The following KCNC2 variants were observed in gnomAD, a reference collection of about 807,000 sequenced individuals.
The protein encoded by KCNC2 is potassium voltage-gated channel subfamily C member 2.
Under a neutral mutation model 44.5 loss-of-function variants are expected in KCNC2, and 21 were observed. That is an observed-to-expected ratio of 0.47 (90% CI 0.33 to 0.68). The LOEUF is 0.68. Among genes scored for constraint, KCNC2 ranks in the 30% least tolerant of loss-of-function variants. The pLI, the probability that KCNC2 is intolerant of heterozygous loss-of-function variation, is 0.01. For missense variants in KCNC2, 589 were observed against 826.2 expected, an observed-to-expected ratio of 0.71 and a Z score of 3.52; for synonymous variants, 391 against 339.1, an observed-to-expected ratio of 1.15 and a Z score of -1.68.
At chr12:75,055,345 T>A (rs578102189) in intron 2 of KCNC2, among the ~76,000 whole-genome samples, 4 of 151,810 alleles carry the variant, frequency 2.6e-5, no homozygotes, top group African/African-American at 9.7e-5. Flanking sequence ...AAGCCAAATT[T>A]AAAAAGCAAA....
intron 2 of KCNC2, among the ~76,000 whole-genome samples, chr12:75,103,329 T>C (rs1419834202): frequency 2.0e-5 from 3 of 152,232 alleles, no homozygotes; most frequent in Non-Finnish European, 4.4e-5. Flanking sequence ...GGAGAACCTA[T>C]GATGTGTCAT....
At chr12:75,158,908 G>A (rs1438801171) in intron 2 of KCNC2, among the ~76,000 whole-genome samples, 1 of 149,030 alleles carries the variant, frequency 6.7e-6, no homozygotes, top group East Asian at 1.9e-4. Flanking sequence ...CTCAAGTTAT[G>A]CAACAGGGAT....
At position 75,075,180 on chromosome 12, in the gene KCNC2, C is replaced by T. The variant is rs577996088; in HGVS notation, c.688-23863G>A. Among the ~76,000 whole-genome samples, 27 of 152,150 alleles carry T rather than the reference C, an allele frequency of 1.8e-4. No individual in the cohort carries two copies. In the South Asian group the frequency reaches 4.4e-3, roughly 25 times the overall value. The stretch of plus-strand genomic sequence containing the variant: ...GTGCAAGAAAGTGATGGGGTCAAAT[C>T]TATATTTCAGAATTCTATTAAAATG... On this transcript the variant is annotated intron_variant, in intron 2 of 4. Coordinates refer to ENST00000549446, the MANE Select transcript of KCNC2 (RefSeq NM_139137.4).
At chr12:75,183,833 T>C (rs1289148860) in intron 2 of KCNC2, among the ~76,000 whole-genome samples, 1 of 152,312 alleles carries the variant, frequency 6.6e-6, no homozygotes, top group African/African-American at 2.4e-5. Context: ...CCCAAATTCC[T>C]CAATGTGGCT....
Position 75,063,594 on chromosome 12 carries a change from G to C in KCNC2, c.688-12277C>G, listed in dbSNP as rs542438399. On this transcript the variant is annotated intron_variant, in intron 2 of 4. Coordinates refer to ENST00000549446, the MANE Select transcript of KCNC2 (RefSeq NM_139137.4). Reference sequence around the variant, plus strand: ...TTAGCAGTGTGTTGAGGGTGATGGTGGGGGAGAGCTGAATAGGCAGAATTT... The same window carrying C: ...TTAGCAGTGTGTTGAGGGTGATGGTCGGGGAGAGCTGAATAGGCAGAATTT... 2.0e-4 allele frequency among the ~76,000 whole-genome samples: 31 copies of C among 152,032 alleles called. 1 individual carries two copies. The highest frequency in any genetic ancestry group is 1.3e-4 in the Admixed American group (2 of 15,222).
intron 2 of KCNC2, among the ~76,000 whole-genome samples, chr12:75,129,813 A>C (rs1356860346): frequency 6.6e-6 from 1 of 152,204 alleles, no homozygotes; most frequent in Non-Finnish European, 1.5e-5. Context: ...CTATGACTTT[A>C]CTGTAGTTTA....
At chr12:75,107,118 C>T (rs1273754833) in intron 2 of KCNC2, among the ~76,000 whole-genome samples, 1 of 152,250 alleles carries the variant, frequency 6.6e-6, no homozygotes, top group Non-Finnish European at 1.5e-5. Flanking sequence ...TCCTAGCTAA[C>T]ATGGTGAAAC....
chr12:75,165,262 G>C (rs1279659615), intron 2 of KCNC2, among the ~76,000 whole-genome samples: 1 of 151,412 alleles, frequency 6.6e-6, no homozygotes, highest in African/African-American at 2.4e-5. Context: ...GCACAAAAGA[G>C]CATTAAATAA....
At chr12:75,049,616 A>G (rs1880952280) in intron 3 of KCNC2, among the ~76,000 whole-genome samples, 1 of 152,112 alleles carries the variant, frequency 6.6e-6, no homozygotes, top group Non-Finnish European at 1.5e-5. Context: ...TAAATCATTC[A>G]AAATTCAGTT....
At chr12:75,203,164 C>T (rs1264522438) in intron 2 of KCNC2, among the ~76,000 whole-genome samples, 1 of 151,590 alleles carries the variant, frequency 6.6e-6, no homozygotes, top group Non-Finnish European at 1.5e-5. Flanking sequence ...TCAAATTGTT[C>T]CTATACCTTA....
At chr12:75,167,406 T>C (rs1891531228) in intron 2 of KCNC2, among the ~76,000 whole-genome samples, 3 of 151,222 alleles carry the variant, frequency 2.0e-5, no homozygotes, top group Admixed American at 1.3e-4. Flanking sequence ...CTCAAAAATA[T>C]AAAATAAAAG....
intron 3 of KCNC2, among the ~76,000 whole-genome samples, chr12:75,048,931 A>G (rs138260074): frequency 6.6e-6 from 1 of 152,212 alleles, no homozygotes; most frequent in African/African-American, 2.4e-5. Flanking sequence ...TATCCTTGCC[A>G]AAGACTTTCA....
In KCNC2 at chr12:75,042,112, TA is replaced by T; in HGVS notation, c.*992del. The T allele has an allele frequency of 3.2e-6, 4 of 1,245,200 alleles. No individual in the cohort carries two copies. The highest frequency in any genetic ancestry group is 4.0e-6 in the Non-Finnish European group (4 of 994,378). 77.1% of individuals were successfully genotyped at this position (1,245,200 alleles called of 1,614,324 possible). A position where few individuals can be genotyped will look rare whatever the true frequency, so the allele number is the denominator to read the frequency against. ...ATTTGATGTTTGCACAAAAAATTAATAAATAAAAATAAAATAAGGGGGTAAA... is the reference window on the plus strand; with the variant it reads ...ATTTGATGTTTGCACAAAAAATTAATAATAAAAATAAAATAAGGGGGTAAA... On this transcript the variant is annotated 3_prime_UTR_variant, in exon 5 of 5. Transcript: ENST00000549446.
At chr12:75,146,564 T>A (rs1223501999) in intron 2 of KCNC2, among the ~76,000 whole-genome samples, 2 of 152,256 alleles carry the variant, frequency 1.3e-5, no homozygotes, top group Non-Finnish European at 2.9e-5. Flanking sequence ...GAAATAGATT[T>A]GTTTCATATT....
At chr12:75,177,733 A>T (rs1892290844) in intron 2 of KCNC2, among the ~76,000 whole-genome samples, 1 of 151,998 alleles carries the variant, frequency 6.6e-6, no homozygotes, top group Admixed American at 6.6e-5. Context: ...ATTTTCATGG[A>T]TTCTTGGCCT....
At chr12:75,069,151 T>TTTTTTTTTTTTTTTTA (rs869250638) in intron 2 of KCNC2, among the ~76,000 whole-genome samples, 2 of 142,670 alleles carry the variant, frequency 1.4e-5, no homozygotes, top group Non-Finnish European at 3.0e-5. Flanking sequence ...TTTTTTTTTT[T>TTTTTTTTTTTTTTTTA]GAGACGGAAT....
At chr12:75,152,823 T>C (rs1890497953) in intron 2 of KCNC2, among the ~76,000 whole-genome samples, 1 of 151,952 alleles carries the variant, frequency 6.6e-6, no homozygotes. Flanking sequence ...TATGACTCAA[T>C]AATTTGGAAG....
chr12:75,128,965 C>A (rs574404781), intron 2 of KCNC2, among the ~76,000 whole-genome samples: 1 of 152,202 alleles, frequency 6.6e-6, no homozygotes, highest in African/African-American at 2.4e-5. Flanking sequence ...GGAACATATT[C>A]TTTACTGACT....
intron 2 of KCNC2, among the ~76,000 whole-genome samples, chr12:75,079,723 T>G (rs1187510761): frequency 6.6e-6 from 1 of 152,110 alleles, no homozygotes; most frequent in Non-Finnish European, 1.5e-5. Flanking sequence ...AGCAACCAAA[T>G]TGCGAGCTGG....
Sources: gnomAD v4.1 joint callset for allele counts (sites outside exome capture counted in the v4.1 genomes callset) on GRCh38, gnomAD v4.1.1 for gene constraint, MANE v1.5 for transcripts, NCBI Gene and HGNC (gene_info 2026-07-23, HGNC 2026-07-21) for gene names.